Variants in ELMO1 observed in about 807,000 individuals in gnomAD.
ELMO1 encodes the protein engulfment and cell motility 1, also known as engulfment and cell motility protein 1.
A neutral mutation model predicts 98.9 loss-of-function variants in ELMO1; 26 were observed. The observed-to-expected ratio is 0.26, with a 90% CI of 0.19 to 0.36. The LOEUF (loss-of-function observed/expected upper bound fraction) is 0.36. Ranked by LOEUF, ELMO1 falls within the 10% of genes least tolerant of loss-of-function variation. The pLI is 1.00. For synonymous variants in ELMO1, 346 were observed against 346.0 expected (o/e 1.00, Z 0.00); for missense variants, 627 against 935.2 (o/e 0.67, Z 4.30).
At chr7:37,306,050 C>T (rs1179631379) in intron 4 of ELMO1, among the ~76,000 whole-genome samples, 1 of 152,154 alleles carries the variant, frequency 6.6e-6, no homozygotes, top group Non-Finnish European at 1.5e-5. Flanking sequence ...AGGGTTTCTT[C>T]CAGCTCAAAC....
chr7:36,962,968 AG>A (rs1789089918), intron 16 of ELMO1, among the ~76,000 whole-genome samples: 1 of 152,264 alleles, frequency 6.6e-6, no homozygotes, highest in Admixed American at 6.5e-5. Flanking sequence ...TGTATTTTAA[AG>A]AATGTTCACG....
intron 15 of ELMO1, among the ~76,000 whole-genome samples, chr7:37,075,837 C>A (rs966163795): frequency 6.6e-6 from 1 of 152,174 alleles, no homozygotes; most frequent in African/African-American, 2.4e-5. Flanking sequence ...CCAGGCAACT[C>A]ATCCCTTAAG....
At chr7:37,083,367 C>G (rs1248834183) in intron 15 of ELMO1, among the ~76,000 whole-genome samples, 3 of 152,114 alleles carry the variant, frequency 2.0e-5, no homozygotes, top group Non-Finnish European at 2.9e-5. Flanking sequence ...CAAAGTGAAT[C>G]TGATACACAG....
At chr7:37,237,865 G>C (rs1794563169) in intron 7 of ELMO1, among the ~76,000 whole-genome samples, 1 of 152,152 alleles carries the variant, frequency 6.6e-6, no homozygotes, top group Non-Finnish European at 1.5e-5. Flanking sequence ...TTTCAGTGCA[G>C]GTTGATTCTG....
intron 1 of ELMO1, chr7:37,394,054 A>T (rs1803190321): frequency 6.6e-6 from 1 of 151,984 alleles, no homozygotes; most frequent in South Asian, 2.1e-4. Context: ...GCAAGAAATA[A>T]CCCCCTTTTT....
At chr7:36,917,772 T>A (rs1313969867) in intron 16 of ELMO1, among the ~76,000 whole-genome samples, 2 of 152,126 alleles carry the variant, frequency 1.3e-5, no homozygotes, top group Non-Finnish European at 2.9e-5. Context: ...CTCACAAAGG[T>A]CCCCAAGGGT....
intron 17 of ELMO1, among the ~76,000 whole-genome samples, chr7:36,892,493 T>C (rs1805646917): frequency 6.6e-6 from 1 of 152,218 alleles, no homozygotes; most frequent in African/African-American, 2.4e-5. Flanking sequence ...TGGGTCTCTG[T>C]CTGCCCCCAG....
intron 1 of ELMO1, among the ~76,000 whole-genome samples, chr7:37,437,378 T>C (rs1485730542): frequency 6.6e-6 from 1 of 152,248 alleles, no homozygotes; most frequent in African/African-American, 2.4e-5. Context: ...TAGAAGAGCT[T>C]TCATTTGAGG....
chr7:37,139,779 A>G (rs1787495820), intron 13 of ELMO1, among the ~76,000 whole-genome samples: 1 of 152,218 alleles, frequency 6.6e-6, no homozygotes. Flanking sequence ...AACAAAAAGA[A>G]CAAATCTGGA....
At chr7:36,926,251 C>T (rs911882811) in intron 16 of ELMO1, among the ~76,000 whole-genome samples, 11 of 152,210 alleles carry the variant, frequency 7.2e-5, no homozygotes, top group African/African-American at 1.4e-4. Flanking sequence ...TCAGGACAAT[C>T]GCAGATAGTC....
intron 13 of ELMO1, among the ~76,000 whole-genome samples, chr7:37,168,518 G>A (rs1472282671): frequency 6.6e-6 from 1 of 151,880 alleles, no homozygotes; most frequent in Non-Finnish European, 1.5e-5. Flanking sequence ...GGTTTTTGGT[G>A]TGGATGTCCT....
At chr7:37,330,746 T>G (rs1212631725) in intron 2 of ELMO1, among the ~76,000 whole-genome samples, 1 of 152,242 alleles carries the variant, frequency 6.6e-6, no homozygotes, top group East Asian at 1.9e-4. Context: ...ACCATAGATC[T>G]TAGCAACTAT....
chr7:37,113,179 T>C (rs1270022674), intron 14 of ELMO1, among the ~76,000 whole-genome samples: 1 of 152,140 alleles, frequency 6.6e-6, no homozygotes, highest in Non-Finnish European at 1.5e-5. Flanking sequence ...ATCCATGGGG[T>C]GAATCCTGCC....
chr7:37,373,247 A>G (rs557285136), intron 1 of ELMO1, among the ~76,000 whole-genome samples: 1 of 152,352 alleles, frequency 6.6e-6, no homozygotes, highest in African/African-American at 2.4e-5. Flanking sequence ...GCGGTAGTTT[A>G]ATCAATTTAC....
chr7:37,079,574 G>C (rs769397372), intron 15 of ELMO1, among the ~76,000 whole-genome samples: 1 of 152,072 alleles, frequency 6.6e-6, no homozygotes, highest in Non-Finnish European at 1.5e-5. Flanking sequence ...AACCCATCTA[G>C]TTGGGCTCTC....
In ELMO1 at chr7:36,868,343, TTCTTC is replaced by T. The variant is rs1273637551; in HGVS notation, c.1905+2045_1905+2049del. The stretch of plus-strand genomic sequence containing the variant: ...TTTGTTCTGCTTCTTCTTCTTCTTC[TTCTTC>T]TTTTTTTTTTTTTTGAGACAGAGTT... On this transcript the variant is annotated intron_variant, in intron 20 of 21. Transcript: ENST00000310758. 3.5e-3 allele frequency among the ~76,000 whole-genome samples: 348 copies of T among 100,282 alleles called. 1 individual carries two copies. The highest frequency in any genetic ancestry group is 5.7e-3 in the Non-Finnish European group (254 of 44,934). 65.8% of individuals were successfully genotyped at this position (100,282 alleles called of 152,430 possible).
intron 13 of ELMO1, 92 bp downstream of exon 13, chr7:37,211,294 G>A (rs754055518): frequency 1.3e-6 from 2 of 1,573,542 alleles, no homozygotes; most frequent in African/African-American, 1.4e-5. Context: ...AGCGCAAGAG[G>A]ACCACACGCT....
At chr7:37,261,491 C>G (rs1377785128) in intron 5 of ELMO1, among the ~76,000 whole-genome samples, 1 of 152,322 alleles carries the variant, frequency 6.6e-6, no homozygotes, top group Middle Eastern at 3.4e-3. Context: ...TAACAAGCCC[C>G]TAAGTGTTGC....
At chr7:37,066,035 T>C (rs1190438685) in intron 15 of ELMO1, among the ~76,000 whole-genome samples, 1 of 152,194 alleles carries the variant, frequency 6.6e-6, no homozygotes, top group Non-Finnish European at 1.5e-5. Flanking sequence ...GGGAGTTCCC[T>C]TGCACAAGCT....
Sources: gnomAD v4.1 joint callset for allele counts (sites outside exome capture counted in the v4.1 genomes callset) on GRCh38, gnomAD v4.1.1 for gene constraint, MANE v1.5 for transcripts, NCBI Gene and HGNC (gene_info 2026-07-23, HGNC 2026-07-21) for gene names.